PFKP: variants seen among roughly 807,000 people sequenced by gnomAD.
PFKP encodes the protein ATP-dependent 6-phosphofructokinase, platelet type.
Under a neutral mutation model 94.3 loss-of-function variants are expected in PFKP, and 101 were observed. The observed-to-expected ratio is 1.07, with a 90% CI of 0.91 to 1.26. The LOEUF (loss-of-function observed/expected upper bound fraction) is 1.26, where lower values mean the gene tolerates loss of function less well. Among genes scored for constraint, PFKP ranks in the 50% most tolerant of loss-of-function variants. The probability of loss-of-function intolerance (pLI) is 0.00; values close to 1 mark genes in which losing one functional copy is unlikely to be tolerated. For synonymous variants in PFKP, 573 were observed against 432.6 expected, an observed-to-expected ratio of 1.32 and a Z score of -4.03; for missense variants, 1,145 against 1,103.3, an observed-to-expected ratio of 1.04 and a Z score of -0.53.
chr10:3,136,371 C>G lies in PFKP; in HGVS notation c.2226-79C>G, dbSNP rs148697244. 1.3e-3 allele frequency: 1,973 copies of G among 1,496,676 alleles called. 4 individuals carry two copies. Among genetic ancestry groups the G allele is most frequent in the Non-Finnish European group, 1.6e-3 (1,737 of 1,082,264 alleles). The allele number at this position is 1,496,676 out of a possible 1,614,324, so 92.7% of individuals were successfully genotyped here. On this transcript the variant is annotated intron_variant, in intron 21 of 21. Transcript: ENST00000381125. ...ACAAACCCTGTGTTTCTGGCAAGAC[C>G]GCTCGCTGTGCTGGCCAGGCGGAGG...
At chr10:3,090,209 C>T (rs537864184) in intron 2 of PFKP, among the ~76,000 whole-genome samples, 7 of 152,322 alleles carry the variant, frequency 4.6e-5, no homozygotes, top group African/African-American at 1.4e-4. Context: ...AGAAAACCTG[C>T]TTTTTAAAAT....
intron 13 of PFKP, among the ~76,000 whole-genome samples, chr10:3,114,285 A>G (rs889594080): frequency 2.0e-5 from 3 of 151,974 alleles, no homozygotes; most frequent in African/African-American, 7.3e-5. Flanking sequence ...GAGTAGCTGA[A>G]ATTACAGGCA....
At chr10:3,099,524 A>C (rs1834778073) in intron 3 of PFKP, among the ~76,000 whole-genome samples, 172 bp downstream of exon 3, 1 of 152,212 alleles carries the variant, frequency 6.6e-6, no homozygotes, top group African/African-American at 2.4e-5. Flanking sequence ...TGCATGTGTT[A>C]ATCTGTGAGT....
In PFKP at chr10:3,109,873, C is replaced by T. The variant is rs1016840709; in HGVS notation, c.1089+393C>T. Among the ~76,000 whole-genome samples, 14 of 151,354 alleles carry T rather than the reference C, an allele frequency of 9.2e-5. No homozygotes were observed. In the South Asian group the frequency reaches 2.3e-3, roughly 25 times the overall value. On this transcript the variant is annotated intron_variant, in intron 10 of 21. Transcript: ENST00000381125. Reference sequence around the variant, plus strand: ...CGTGGACAGACTGCAGGGAGGCGGGCGTGAGAGAGACCCATGGGGCAGAGG... The same window carrying T: ...CGTGGACAGACTGCAGGGAGGCGGGTGTGAGAGAGACCCATGGGGCAGAGG...
chr10:3,073,908 G>A (rs1413647825), intron 1 of PFKP, among the ~76,000 whole-genome samples: 4 of 152,214 alleles, frequency 2.6e-5, no homozygotes, highest in African/African-American at 9.6e-5. Context: ...CTTGATGTCG[G>A]CTCACTGCAA....
Position 3,067,563 on chromosome 10 carries a change from C to G in PFKP, c.-33C>G. 8.2e-7 allele frequency: 1 copy of G among 1,218,814 alleles called. No homozygotes were observed. Among genetic ancestry groups the G allele is most frequent in the Non-Finnish European group, 1.2e-6 (1 of 867,206 alleles). 75.5% of individuals were successfully genotyped at this position (1,218,814 alleles called of 1,614,324 possible). The stretch of plus-strand genomic sequence containing the variant: ...CAGGGTCCCCATTGCCTGCTGCGCA[C>G]CCGGACGTGCGGCTCCCCTCGGCCT... On this transcript the variant is annotated 5_prime_UTR_variant, in exon 1 of 22. Coordinates refer to ENST00000381125, the MANE Select transcript of PFKP (RefSeq NM_002627.5).
In PFKP at chr10:3,113,288, C is replaced by T. The variant is rs904391120; in HGVS notation, c.1225-84C>T. 65 of 1,567,418 alleles carry T rather than the reference C, an allele frequency of 4.1e-5. 1 individual carries two copies. Among genetic ancestry groups the T allele is most frequent in the South Asian group, 8.0e-5 (7 of 87,536 alleles). On this transcript the variant is annotated intron_variant, in intron 12 of 21. Coordinates refer to ENST00000381125, the MANE Select transcript of PFKP (RefSeq NM_002627.5). ...AGGCCACCTGTTTTCAGGCCTGGCA[C>T]GGCATGAGCCACTGCCAAAGTGTGC...
Position 3,136,342 on chromosome 10 carries a change from C to G in PFKP, c.2226-108C>G, listed in dbSNP as rs1435601023. 6 of 1,106,590 alleles carry G rather than the reference C, an allele frequency of 5.4e-6. No homozygotes were observed. In the Admixed American group the frequency reaches 1.3e-4, roughly 23 times the overall value. The allele number at this position is 1,106,590 out of a possible 1,614,324, so 68.5% of individuals were successfully genotyped here. ...TTTATCATCTAGTTGATTCAGCCGA[C>G]CCTACAAACCCTGTGTTTCTGGCAA... On this transcript the variant is annotated intron_variant, in intron 21 of 21. Transcript: ENST00000381125.
chr10:3,073,772 T>A (rs1465126099), intron 1 of PFKP, among the ~76,000 whole-genome samples: 1 of 152,208 alleles, frequency 6.6e-6, no homozygotes, highest in Admixed American at 6.5e-5. Flanking sequence ...GTCCTTCATA[T>A]CTTTTCAGCT....
intron 16 of PFKP, among the ~76,000 whole-genome samples, chr10:3,121,789 ATTTCTTTTTTTTTCTTTTTTTTTTTTTT>A (rs1837433359): frequency 9.7e-5 from 6 of 61,822 alleles, no homozygotes; most frequent in African/African-American, 2.2e-4. Context: ...AGGTTAAACA[ATTTCTTTTTTTTTCTTTTTTTTTTTTTT>A]TTTTTTTTTT....
At chr10:3,101,293 C>T (rs1181175941) in intron 3 of PFKP, 72 bp from the exon 4 acceptor site, 29 of 1,241,542 alleles carry the variant, frequency 2.3e-5, no homozygotes, top group African/African-American at 1.2e-4. Context: ...TGTTTATAGT[C>T]GGCCTGTGTG....
intron 2 of PFKP, among the ~76,000 whole-genome samples, chr10:3,088,261 T>G (rs1384700972): frequency 6.6e-6 from 1 of 151,212 alleles, no homozygotes; most frequent in Non-Finnish European, 1.5e-5. Flanking sequence ...TTTTTTGTCC[T>G]TGCGATAGTT....
intron 1 of PFKP, chr10:3,070,143 C>T (rs1200424018): frequency 2.0e-5 from 3 of 152,258 alleles, no homozygotes; most frequent in Non-Finnish European, 4.4e-5. Flanking sequence ...GCACTCTTTC[C>T]CTGGCAGAGC....
chr10:3,093,638 C>CTTTTTTTTTT lies in PFKP; in HGVS notation c.187-5623_187-5614dup, dbSNP rs765547765. Among the ~76,000 whole-genome samples, 17 of 94,062 alleles carry CTTTTTTTTTT rather than the reference C, an allele frequency of 1.8e-4. 2 individuals carry two copies. Among genetic ancestry groups the CTTTTTTTTTT allele is most frequent in the African/African-American group, 6.6e-4 (14 of 21,256 alleles). The allele number at this position is 94,062 out of a possible 152,430, so 61.7% of individuals were successfully genotyped here. A position where few individuals can be genotyped will look rare whatever the true frequency, so the allele number is the denominator to read the frequency against. On this transcript the variant is annotated intron_variant, in intron 2 of 21. Coordinates refer to ENST00000381125, the MANE Select transcript of PFKP (RefSeq NM_002627.5). ...CGATAACCACAGGAACAAGCATTAT[C>CTTTTTTTTTT]TTTTTTTTTTTTTTTTTTTTTTTGA...
At chr10:3,086,970 C>G (rs370561665) in intron 2 of PFKP, among the ~76,000 whole-genome samples, 79 of 145,682 alleles carry the variant, frequency 5.4e-4, no homozygotes, top group African/African-American at 1.9e-3. Context: ...TGGGCTTTCT[C>G]TGATGTTTGT....
At chr10:3,079,868 GGAGA>G (rs1832910200) in intron 1 of PFKP, among the ~76,000 whole-genome samples, 1 of 152,180 alleles carries the variant, frequency 6.6e-6, no homozygotes, top group Admixed American at 6.5e-5. Flanking sequence ...CCCAGCCATG[GGAGA>G]GATGAGCGAG....
At position 3,112,306 on chromosome 10, in the gene PFKP, GCT is replaced by G. The variant is rs1318264065; in HGVS notation, c.1154+23_1154+24del. The G allele has an allele frequency of 6.2e-7, 1 of 1,600,594 alleles. No homozygotes were observed. The highest frequency in any genetic ancestry group is 1.1e-5 in the South Asian group (1 of 90,714). On this transcript the variant is annotated intron_variant, in intron 11 of 21. Coordinates refer to ENST00000381125, the MANE Select transcript of PFKP (RefSeq NM_002627.5). ...AGGGAGGTGAGGTGCTTTGGAGAAA[GCT>G]CTGCCCTGTCAGGAACACACACCCC...
intron 2 of PFKP, among the ~76,000 whole-genome samples, chr10:3,098,917 T>G (rs1257760792): frequency 6.6e-6 from 1 of 152,200 alleles, no homozygotes; most frequent in Non-Finnish European, 1.5e-5. Flanking sequence ...GCTGTGTGCC[T>G]GTGAGTTTGT....
At chr10:3,075,904 CAA>C (rs577636701) in intron 1 of PFKP, among the ~76,000 whole-genome samples, 40 of 70,320 alleles carry the variant, frequency 5.7e-4, no homozygotes, top group South Asian at 2.0e-3. Context: ...GACCCTATCG[CAA>C]AAAAAAAAAA....
Sources: gnomAD v4.1 joint callset for allele counts (sites outside exome capture counted in the v4.1 genomes callset) on GRCh38, gnomAD v4.1.1 for gene constraint, MANE v1.5 for transcripts, NCBI Gene and HGNC (gene_info 2026-07-23, HGNC 2026-07-21) for gene names.